The following DGKD variants were observed in gnomAD, a reference collection of about 807,000 sequenced individuals.
The protein encoded by DGKD is diacylglycerol kinase delta, also known as DAG kinase delta.
In DGKD, 68 loss-of-function variants were observed where a neutral mutation model predicts 154.4. The ratio of observed to expected loss-of-function variants is 0.44; its 90% CI spans 0.36 to 0.54. DGKD has a LOEUF of 0.54. Among genes scored for constraint, DGKD ranks in the 20% least tolerant of loss-of-function variants. The pLI, the probability that DGKD is intolerant of heterozygous loss-of-function variation, is 0.00. For missense variants in DGKD, 1,343 were observed against 1,593.6 expected, an observed-to-expected ratio of 0.84 and a Z score of 2.68; for synonymous variants, 693 against 638.0, an observed-to-expected ratio of 1.09 and a Z score of -1.30.
rs552662605 is a variant in DGKD, at chr2:233,458,777, A to G, written c.2694+380A>G. Among the ~76,000 whole-genome samples, 1 of 152,118 alleles carries G rather than the reference A, an allele frequency of 6.6e-6. No homozygotes were observed. Among genetic ancestry groups the G allele is most frequent in the Non-Finnish European group, 1.5e-5 (1 of 67,996 alleles). ...CAAGTGCCCACCACCATTCCCAGCT[A>G]ATTTTTGTACTTCACCATGTTGGCC... is the stretch of plus-strand genomic sequence containing the variant. On this transcript the variant is annotated intron_variant, in intron 22 of 29. Coordinates refer to ENST00000264057, the MANE Select transcript of DGKD (RefSeq NM_152879.3). This position sits in a 1 kb window ranked among gnomAD's most constrained non-coding sequence, Gnocchi z 6.6.
intron 3 of DGKD, among the ~76,000 whole-genome samples, chr2:233,391,083 T>C (rs928430827): frequency 6.6e-6 from 1 of 152,186 alleles, no homozygotes; most frequent in South Asian, 2.1e-4. Context: ...GTGATTAATG[T>C]AGAAAATTTG....
intron 2 of DGKD, 80 bp from the exon 3 acceptor site, chr2:233,390,323 G>A: frequency 1.0e-6 from 1 of 981,928 alleles, no homozygotes; most frequent in Non-Finnish European, 1.6e-6. Flanking sequence ...GATCATTGGG[G>A]TGTGGTGGGC....
chr2:233,464,380 A>G, intron 27 of DGKD, 97 bp downstream of exon 27: 1 of 1,507,880 alleles, frequency 6.6e-7, no homozygotes, highest in Non-Finnish European at 9.1e-7. Context: ...TCTGGGATCA[A>G]GATCGTGTCG....
intron 18 of DGKD, among the ~76,000 whole-genome samples, chr2:233,453,827 A>C (rs1321511110): frequency 2.1e-5 from 3 of 146,002 alleles, no homozygotes; most frequent in Non-Finnish European, 4.5e-5. Flanking sequence ...TGGGGAGAAG[A>C]AACTTGAATG....
At position 233,390,431 on chromosome 2, in the gene DGKD, C is replaced by T. The variant is rs1703522743; in HGVS notation, c.296C>T (p.Thr99Ile). The T allele has an allele frequency of 6.2e-7, 1 of 1,614,082 alleles. No homozygotes were observed. Among genetic ancestry groups the T allele is most frequent in the African/African-American group, 1.3e-5 (1 of 75,042 alleles). Residue 99 changes from threonine (T) to isoleucine (I), a missense_variant, in exon 3 of 30, where the codon ACA (threonine) becomes ATA (isoleucine). Physicochemically the swap from Thr to Ile is moderately conservative, Grantham distance 89. Around this residue, in one of 6 missense-constraint regions of DGKD, gnomAD observed 332 missense variants for 400.1 expected, o/e 0.83. Coordinates refer to ENST00000264057, the MANE Select transcript of DGKD (RefSeq NM_152879.3). ...ATCATATTTGATGAGGTGGATCTGA[C>T]AGATGCCAGCGTAGCTGAATCCAGT... ...KSIIFDEVDL[T>I]DASVAESSTK...
intron 8 of DGKD, among the ~76,000 whole-genome samples, chr2:233,437,909 C>T (rs1388177208): frequency 6.6e-6 from 1 of 152,196 alleles, no homozygotes; most frequent in Admixed American, 6.5e-5. Flanking sequence ...GACATGGTGG[C>T]ACCTGTTGAC....
intron 1 of DGKD, among the ~76,000 whole-genome samples, chr2:233,367,653 A>G (rs773534131): frequency 3.3e-5 from 5 of 152,030 alleles, no homozygotes; most frequent in Non-Finnish European, 7.4e-5. Flanking sequence ...TATATTTCCT[A>G]TAAAGTAGAA....
At chr2:233,358,059 A>G (rs1701609824) in intron 1 of DGKD, among the ~76,000 whole-genome samples, 2 of 152,184 alleles carry the variant, frequency 1.3e-5, no homozygotes, top group Non-Finnish European at 2.9e-5. Flanking sequence ...ATTTTTTAAT[A>G]TGTTCGAGCT....
Position 233,462,478 on chromosome 2 carries a change from T to A in DGKD, c.3093+19T>A, listed in dbSNP as rs1183285399. ...CACAGAGGTAGCTATTCTGGCCTTT[T>A]CAGTCCTGGCTTCTTCTCAGTGTCT... On this transcript the variant is annotated intron_variant, in intron 25 of 29. Coordinates refer to ENST00000264057, the MANE Select transcript of DGKD (RefSeq NM_152879.3). 1.9e-6 allele frequency: 3 copies of A among 1,586,582 alleles called. No homozygotes were observed. The Admixed American group carries it at 5.0e-5, about 27-fold the overall frequency.
Position 233,469,584 on chromosome 2 carries a change from C to T in DGKD, c.*124C>T, listed in dbSNP as rs2063944394. On this transcript the variant is annotated 3_prime_UTR_variant, in exon 30 of 30. Coordinates refer to ENST00000264057, the MANE Select transcript of DGKD (RefSeq NM_152879.3). ...CTGGGCAGATGCTGCAGCCCGCCCCCTTCTCATGGTGCTACTTCCTCTGTC... is the reference window on the plus strand; with the variant it reads ...CTGGGCAGATGCTGCAGCCCGCCCCTTTCTCATGGTGCTACTTCCTCTGTC... 1 of 775,124 alleles carries T rather than the reference C, an allele frequency of 1.3e-6. No homozygotes were observed. Among genetic ancestry groups the T allele is most frequent in the Non-Finnish European group, 2.1e-6 (1 of 474,798 alleles). 48.0% of individuals were successfully genotyped at this position (775,124 alleles called of 1,614,324 possible).
At chr2:233,462,106 T>C (rs2063663419) in intron 24 of DGKD, among the ~76,000 whole-genome samples, 1 of 152,224 alleles carries the variant, frequency 6.6e-6, no homozygotes, top group Non-Finnish European at 1.5e-5. Flanking sequence ...TTTCTCTCCC[T>C]GGAAAATCTT....
At position 233,440,371 on chromosome 2, in the gene DGKD, A is replaced by G. The variant is rs1177679380; in HGVS notation, c.1086-1516A>G. 6.6e-6 allele frequency among the ~76,000 whole-genome samples: 1 copy of G among 152,172 alleles called. No individual in the cohort carries two copies. The highest frequency in any genetic ancestry group is 2.4e-5 in the African/African-American group (1 of 41,434). ...TCTGAGCACTCATTCTGGGTCAGAC[A>G]CTGAGCTCGAGGCAGGGTGCGCAGG... On this transcript the variant is annotated intron_variant, in intron 9 of 29. Transcript: ENST00000264057. This position sits in a 1 kb window ranked among gnomAD's most constrained non-coding sequence, Gnocchi z 4.9.
At chr2:233,426,270 A>T (rs1424321625) in intron 3 of DGKD, among the ~76,000 whole-genome samples, 1 of 152,080 alleles carries the variant, frequency 6.6e-6, no homozygotes, top group Non-Finnish European at 1.5e-5. Context: ...GATTTTATGC[A>T]GGAGTCTGGG....
chr2:233,462,761 G>C (rs767942481), intron 26 of DGKD, 26 bp downstream of exon 26: 1 of 1,600,504 alleles, frequency 6.2e-7, no homozygotes. Context: ...AGGGACAGCA[G>C]GGCTCGGGCT....
chr2:233,427,633 C>T (rs562236901), intron 3 of DGKD, among the ~76,000 whole-genome samples: 44 of 152,302 alleles, frequency 2.9e-4, no homozygotes, highest in African/African-American at 8.4e-4. Flanking sequence ...TAAGCCACTG[C>T]GCCCAGCCTT....
Position 233,421,388 on chromosome 2 carries a change from G to T in DGKD, c.349-12992G>T, listed in dbSNP as rs571959455. On this transcript the variant is annotated intron_variant, in intron 3 of 29. Transcript: ENST00000264057. ...ATCATCTCGTGATGGGGTTACTGAG[G>T]AGCCTCCCAAAAGGTTTCCTGCCTT... is the stretch of plus-strand genomic sequence containing the variant. Among the ~76,000 whole-genome samples the T allele has an allele frequency of 3.3e-5, 5 of 152,306 alleles. No homozygotes were observed. The South Asian group carries it at 1.0e-3, about 32-fold the overall frequency.
At chr2:233,435,306 G>T (rs1171699980) in intron 5 of DGKD, among the ~76,000 whole-genome samples, 22 of 152,184 alleles carry the variant, frequency 1.4e-4, no homozygotes. Context: ...CATTCAGTCT[G>T]GTGGCAAAGC....
intron 27 of DGKD, among the ~76,000 whole-genome samples, chr2:233,466,320 T>C (rs1324865855): frequency 6.6e-6 from 1 of 152,056 alleles, no homozygotes; most frequent in Non-Finnish European, 1.5e-5. Flanking sequence ...ATCTTTGTGG[T>C]TATGTGTATT....
intron 3 of DGKD, among the ~76,000 whole-genome samples, chr2:233,411,381 T>C (rs1219061515): frequency 6.6e-6 from 1 of 152,236 alleles, no homozygotes; most frequent in Non-Finnish European, 1.5e-5. Context: ...TAATTTTATG[T>C]GTCCTAATAG....
Sources: allele counts gnomAD v4.1 joint callset (sites outside exome capture counted in the v4.1 genomes callset), GRCh38; gene constraint gnomAD v4.1.1; regional missense constraint gnomAD v4.1.1; non-coding constraint Gnocchi (gnomAD v3.1); transcripts MANE v1.5; gene names NCBI Gene and HGNC (gene_info 2026-07-23, HGNC 2026-07-21).